CMSS1: variants seen among roughly 807,000 people sequenced by gnomAD.
The protein encoded by CMSS1 is cms1 ribosomal small subunit homolog.
CMSS1 carries 33 observed loss-of-function variants against 43.5 expected under a neutral mutation model. That is an observed-to-expected ratio of 0.76 (90% CI 0.57 to 1.01). The LOEUF is 1.01. Among genes scored for constraint, CMSS1 ranks in the 50% least tolerant of loss-of-function variants. CMSS1 has a pLI of 0.00. For synonymous variants in CMSS1, 115 were observed against 117.2 expected, an observed-to-expected ratio of 0.98 and a Z score of 0.12; for missense variants, 313 against 326.4, an observed-to-expected ratio of 0.96 and a Z score of 0.32.
chr3:100,064,516 T>C (rs1453906543), intron 1 of CMSS1, among the ~76,000 whole-genome samples: 4 of 152,126 alleles, frequency 2.6e-5, no homozygotes, highest in Non-Finnish European at 5.9e-5. Context: ...ATGTAGCTGG[T>C]TTTCATTCTT....
chr3:99,936,390 T>C (rs1430254886), intron 1 of CMSS1, among the ~76,000 whole-genome samples: 2 of 135,864 alleles, frequency 1.5e-5, no homozygotes, highest in East Asian at 4.3e-4. Flanking sequence ...TTTTTTTTTT[T>C]TTTGTGACAG....
chr3:100,124,710 C>T (rs891329355), intron 1 of CMSS1, among the ~76,000 whole-genome samples: 2 of 152,094 alleles, frequency 1.3e-5, no homozygotes, highest in African/African-American at 2.4e-5. Context: ...CACCTGGGCC[C>T]GTGTGAGAAA....
chr3:100,090,707 G>C (rs1432025621), intron 1 of CMSS1, among the ~76,000 whole-genome samples: 1 of 152,046 alleles, frequency 6.6e-6, no homozygotes, highest in Non-Finnish European at 1.5e-5. Context: ...ATTTAATTAG[G>C]ACACCCAAAT....
chr3:99,937,098 G>A (rs191386985), intron 1 of CMSS1, among the ~76,000 whole-genome samples: 1 of 151,888 alleles, frequency 6.6e-6, no homozygotes, highest in Non-Finnish European at 1.5e-5. Flanking sequence ...CCATCATGTG[G>A]CTAATTTTTT....
At chr3:99,847,718 T>G (rs969547413) in intron 1 of CMSS1, among the ~76,000 whole-genome samples, 1 of 152,216 alleles carries the variant, frequency 6.6e-6, no homozygotes, top group Non-Finnish European at 1.5e-5. Flanking sequence ...GATCTTATAG[T>G]TCACTTTGAA....
chr3:100,163,663 G>A lies in CMSS1; in HGVS notation c.355+1231G>A, dbSNP rs1025572356. On this transcript the variant is annotated intron_variant, in intron 4 of 9. Coordinates refer to ENST00000421999, the MANE Select transcript of CMSS1 (RefSeq NM_032359.4). ...GTGGATCCTCTCATCTCAGCCTCCCGAGTAGCTGGGAATATAGCCACGTGC... is the reference window on the plus strand; with the variant it reads ...GTGGATCCTCTCATCTCAGCCTCCCAAGTAGCTGGGAATATAGCCACGTGC... 3.9e-5 allele frequency among the ~76,000 whole-genome samples: 6 copies of A among 152,032 alleles called. No homozygotes were observed. The East Asian group carries it at 7.7e-4, about 20-fold the overall frequency.
chr3:99,885,974 T>C (rs1705882016), intron 1 of CMSS1, among the ~76,000 whole-genome samples: 1 of 152,220 alleles, frequency 6.6e-6, no homozygotes, highest in Middle Eastern at 3.2e-3. Flanking sequence ...TGCATGAGGA[T>C]ATTTCTGACT....
At chr3:100,084,978 G>T (rs975847811) in intron 1 of CMSS1, among the ~76,000 whole-genome samples, 1 of 152,214 alleles carries the variant, frequency 6.6e-6, no homozygotes, top group African/African-American at 2.4e-5. Context: ...CTCTGTCCAT[G>T]TCTTTAGCTT....
Position 99,995,102 on chromosome 3 carries a change from A to G in CMSS1, c.65-151871A>G, listed in dbSNP as rs148279228. The stretch of plus-strand genomic sequence containing the variant: ...CCCAAAACGCGCAGTCCAAAGTCTC[A>G]TCTGAGACAAGGCAAGTCCCTTCCA... On this transcript the variant is annotated intron_variant, in intron 1 of 9. Coordinates refer to ENST00000421999, the MANE Select transcript of CMSS1 (RefSeq NM_032359.4). Among the ~76,000 whole-genome samples, 11 of 152,290 alleles carry G rather than the reference A, an allele frequency of 7.2e-5. No homozygotes were observed. The East Asian group carries it at 1.9e-3, about 27-fold the overall frequency.
intron 1 of CMSS1, among the ~76,000 whole-genome samples, chr3:99,823,180 C>CTT (rs908246132): frequency 2.0e-5 from 3 of 152,192 alleles, no homozygotes; most frequent in Admixed American, 6.5e-5. Context: ...AAAGTTTACT[C>CTT]TTTTAAAGAA....
intron 2 of CMSS1, among the ~76,000 whole-genome samples, chr3:100,152,154 T>G (rs1015938344): frequency 1.3e-5 from 2 of 152,198 alleles, no homozygotes; most frequent in Non-Finnish European, 2.9e-5. Context: ...TCTCCATGGT[T>G]CTTGGCTCTG....
At chr3:100,119,267 G>T (rs1219232149) in intron 1 of CMSS1, among the ~76,000 whole-genome samples, 1 of 152,078 alleles carries the variant, frequency 6.6e-6, no homozygotes, top group Non-Finnish European at 1.5e-5. Context: ...GAATTATAAA[G>T]GAAAAATGAA....
At chr3:99,960,663 GGAGTCCA>G (rs1385958998) in intron 1 of CMSS1, among the ~76,000 whole-genome samples, 1 of 152,130 alleles carries the variant, frequency 6.6e-6, no homozygotes, top group African/African-American at 2.4e-5. Flanking sequence ...GAGAAGTAGG[GGAGTCCA>G]GAGTCCTGGT....
At chr3:99,833,283 A>T in intron 1 of CMSS1, 2 of 1,600,012 alleles carry the variant, frequency 1.2e-6, no homozygotes, top group Non-Finnish European at 1.7e-6. Flanking sequence ...TAGAAAGAAG[A>T]GGAGTAAATT....
chr3:99,981,639 GAC>G (rs1460940459), intron 1 of CMSS1, among the ~76,000 whole-genome samples: 1 of 152,084 alleles, frequency 6.6e-6, no homozygotes, highest in Non-Finnish European at 1.5e-5. Context: ...GTGGAAAATT[GAC>G]AGTTTCAATA....
chr3:99,927,925 G>A (rs1274060064), intron 1 of CMSS1, among the ~76,000 whole-genome samples: 4 of 152,184 alleles, frequency 2.6e-5, no homozygotes, highest in South Asian at 2.1e-4. Flanking sequence ...TCATGTAACC[G>A]AGAGCTGTTT....
rs570014334 is a variant in CMSS1, at chr3:99,882,637, C to T, written c.64+64594C>T. Among the ~76,000 whole-genome samples the T allele has an allele frequency of 9.2e-5, 14 of 152,206 alleles. No homozygotes were observed. The East Asian group carries it at 2.5e-3, about 27-fold the overall frequency. Reference sequence around the variant, plus strand: ...AGCTCAGAGAGGTTAAGGGACTTGCCCCAAGGTCACACAGTAAATTGGTGA... The same window carrying T: ...AGCTCAGAGAGGTTAAGGGACTTGCTCCAAGGTCACACAGTAAATTGGTGA... On this transcript the variant is annotated intron_variant, in intron 1 of 9. Coordinates refer to ENST00000421999, the MANE Select transcript of CMSS1 (RefSeq NM_032359.4).
intron 2 of CMSS1, among the ~76,000 whole-genome samples, chr3:100,148,693 T>G (rs1454848551): frequency 6.6e-6 from 1 of 152,212 alleles, no homozygotes; most frequent in Non-Finnish European, 1.5e-5. Flanking sequence ...TGATAAGCAC[T>G]TCAAACAGTG....
intron 1 of CMSS1, among the ~76,000 whole-genome samples, chr3:100,120,936 G>A (rs544005421): frequency 1.4e-4 from 22 of 152,086 alleles, no homozygotes; most frequent in East Asian, 1.9e-4. Flanking sequence ...CAGCTGCCCC[G>A]TGCCTTAAGG....
Sources: gnomAD v4.1 joint callset for allele counts (sites outside exome capture counted in the v4.1 genomes callset) on GRCh38, gnomAD v4.1.1 for gene constraint, MANE v1.5 for transcripts, NCBI Gene and HGNC (gene_info 2026-07-23, HGNC 2026-07-21) for gene names.